GAPVD1: variants seen among roughly 807,000 people sequenced by gnomAD.
GAPVD1 encodes the protein GTPase-activating protein and VPS9 domain-containing protein 1.
GAPVD1 carries 35 observed loss-of-function variants against 155.5 expected under a neutral mutation model. The observed-to-expected ratio is 0.23, with a 90% CI of 0.17 to 0.30. The LOEUF (loss-of-function observed/expected upper bound fraction) is 0.30. Among genes scored for constraint, GAPVD1 ranks in the 10% least tolerant of loss-of-function variants. The pLI is 1.00. For synonymous variants in GAPVD1, 636 were observed against 619.7 expected (o/e 1.03, Z -0.39); for missense variants, 1,429 against 1,775.7 (o/e 0.80, Z 3.51).
intron 20 of GAPVD1, among the ~76,000 whole-genome samples, chr9:125,348,232 A>AT (rs1469139628): frequency 3.9e-5 from 6 of 151,936 alleles, no homozygotes; most frequent in African/African-American, 1.4e-4. Flanking sequence ...ACTTTTGTAT[A>AT]TTTTTGTAGA....
chr9:125,264,618 A>C (rs747262509), intron 1 of GAPVD1, among the ~76,000 whole-genome samples: 2 of 152,030 alleles, frequency 1.3e-5, no homozygotes, highest in Non-Finnish European at 2.9e-5. Flanking sequence ...GTATTAAGGC[A>C]CCTCCCCACT....
intron 19 of GAPVD1, chr9:125,346,046 C>T (rs1450569818): frequency 6.6e-6 from 1 of 152,142 alleles, no homozygotes; most frequent in East Asian, 1.9e-4. Context: ...TATAGCAATC[C>T]CTTGCTTTAA....
At chr9:125,335,148 A>G (rs759275268) in intron 15 of GAPVD1, 6 of 745,526 alleles carry the variant, frequency 8.0e-6, no homozygotes, top group Non-Finnish European at 1.2e-5. Context: ...TTCCTTTTCC[A>G]ACTACATGTC....
intron 2 of GAPVD1, among the ~76,000 whole-genome samples, chr9:125,286,225 C>T (rs1420634385): frequency 6.6e-6 from 1 of 152,138 alleles, no homozygotes; most frequent in African/African-American, 2.4e-5. Flanking sequence ...TCAATCCTTC[C>T]ACTTCAGCCT....
At chr9:125,274,528 A>G (rs888685896) in intron 2 of GAPVD1, among the ~76,000 whole-genome samples, 3 of 149,332 alleles carry the variant, frequency 2.0e-5, no homozygotes, top group South Asian at 2.1e-4. Context: ...CAATGGTGCA[A>G]TCTCGGCTCA....
chr9:125,285,226 T>C (rs1332429724), intron 2 of GAPVD1, among the ~76,000 whole-genome samples: 1 of 152,158 alleles, frequency 6.6e-6, no homozygotes, highest in Non-Finnish European at 1.5e-5. Context: ...AATACAACTT[T>C]TATTTATACA....
chr9:125,349,779 G>T (rs944170942), intron 21 of GAPVD1, among the ~76,000 whole-genome samples: 1 of 151,982 alleles, frequency 6.6e-6, no homozygotes, highest in South Asian at 2.1e-4. Context: ...CAGGTGGATC[G>T]CTGGAGCCCA....
At chr9:125,326,343 A>C in intron 11 of GAPVD1, 73 bp from the exon 12 acceptor site, 1 of 1,075,942 alleles carries the variant, frequency 9.3e-7, no homozygotes, top group Non-Finnish European at 1.4e-6. Flanking sequence ...CATGGAGATA[A>C]AATTCTTTAA....
Position 125,302,519 on chromosome 9 carries a change from A to G in GAPVD1, c.722A>G (p.Asp241Gly), listed in dbSNP as rs1841063016. The G allele has an allele frequency of 1.2e-6, 2 of 1,614,034 alleles. No homozygotes were observed. Among genetic ancestry groups the G allele is most frequent in the Non-Finnish European group, 1.7e-6 (2 of 1,179,994 alleles). ...AAACTCTTTGGAGAGAAGGGCTCAGATAGATTCAGGCAAAAAGTTCAAGAA... is the reference window on the plus strand; with the variant it reads ...AAACTCTTTGGAGAGAAGGGCTCAGGTAGATTCAGGCAAAAAGTTCAAGAA... ...QEKLFGEKGS[D>G]RFRQKVQEMV... The change falls in exon 5 of 28, where the codon GAT becomes GGT. Residue 241 changes from aspartate to glycine, a missense_variant. This residue lies in a region of GAPVD1 where 628 missense variants were observed against 733.4 expected (regional missense o/e 0.86). Transcript: ENST00000297933.
chr9:125,299,880 A>G (rs1020631810), intron 4 of GAPVD1, among the ~76,000 whole-genome samples: 94 of 143,580 alleles, frequency 6.5e-4, no homozygotes, highest in Non-Finnish European at 9.7e-4. Context: ...TTAGCGGGGC[A>G]TGGTGGCATA....
At chr9:125,333,266 A>G (rs137979321) in intron 15 of GAPVD1, among the ~76,000 whole-genome samples, 185 of 151,612 alleles carry the variant, frequency 1.2e-3, no homozygotes, top group African/African-American at 4.1e-3. Context: ...TTTTTAGTAG[A>G]TACGGGGGTT....
chr9:125,358,523 G>C (rs952964570), intron 25 of GAPVD1, among the ~76,000 whole-genome samples: 1 of 152,186 alleles, frequency 6.6e-6, no homozygotes, highest in Non-Finnish European at 1.5e-5. Context: ...CCAGGGGTCC[G>C]TGTAATAGGA....
At chr9:125,355,897 A>G in intron 25 of GAPVD1, 40 bp downstream of exon 25, 1 of 1,113,418 alleles carries the variant, frequency 9.0e-7, no homozygotes. Flanking sequence ...GGAACTACAT[A>G]GGGATCTACC....
intron 1 of GAPVD1, among the ~76,000 whole-genome samples, chr9:125,266,369 A>G (rs957876614): frequency 6.6e-6 from 1 of 151,604 alleles, no homozygotes; most frequent in African/African-American, 2.4e-5. Flanking sequence ...GCTGGAGTGC[A>G]GTGGCGTGAT....
At chr9:125,362,122 C>T (rs920991554) in intron 27 of GAPVD1, among the ~76,000 whole-genome samples, 1 of 152,098 alleles carries the variant, frequency 6.6e-6, no homozygotes, top group African/African-American at 2.4e-5. Context: ...CAGCCTGTGC[C>T]CTTTCTCACC....
At chr9:125,274,274 T>TAAAGTG (rs1835393117) in intron 2 of GAPVD1, among the ~76,000 whole-genome samples, 6 of 151,988 alleles carry the variant, frequency 3.9e-5, no homozygotes, top group Non-Finnish European at 7.4e-5. Flanking sequence ...GGCCTCGGCC[T>TAAAGTG]CTCAAAGTGT....
intron 13 of GAPVD1, among the ~76,000 whole-genome samples, chr9:125,330,723 GC>G (rs1390204237): frequency 2.0e-5 from 3 of 152,236 alleles, no homozygotes; most frequent in African/African-American, 2.4e-5. Flanking sequence ...CTGTTAGATA[GC>G]ATAGACTGTG....
chr9:125,269,529 G>A (rs556173217), intron 2 of GAPVD1, among the ~76,000 whole-genome samples: 16 of 150,872 alleles, frequency 1.1e-4, no homozygotes, highest in South Asian at 8.4e-4. Flanking sequence ...TCGTTCTGTC[G>A]CCCAGGCTGG....
intron 10 of GAPVD1, among the ~76,000 whole-genome samples, chr9:125,322,101 G>A (rs559898009): frequency 2.6e-5 from 4 of 151,690 alleles, no homozygotes; most frequent in African/African-American, 9.7e-5. Flanking sequence ...AGTCTCGTTC[G>A]TTGCCCAGGC....
Sources: gnomAD v4.1 joint callset for allele counts (sites outside exome capture counted in the v4.1 genomes callset) on GRCh38, gnomAD v4.1.1 for gene constraint, gnomAD v4.1.1 regional missense constraint, MANE v1.5 for transcripts, NCBI Gene and HGNC (gene_info 2026-07-23, HGNC 2026-07-21) for gene names.